The following SCPEP1 variants were observed in gnomAD, a reference collection of about 807,000 sequenced individuals.
SCPEP1 encodes the protein retinoid-inducible serine carboxypeptidase.
In SCPEP1, 51 loss-of-function variants were observed where a neutral mutation model predicts 63.8. That is an observed-to-expected ratio of 0.80 (90% CI 0.64 to 1.01). The LOEUF (loss-of-function observed/expected upper bound fraction) is 1.01, where lower values mean the gene tolerates loss of function less well. SCPEP1 is among the 50% of genes least tolerant of loss of function. The probability of loss-of-function intolerance (pLI) is 0.00; values close to 1 mark genes in which losing one functional copy is unlikely to be tolerated. For missense variants in SCPEP1, 499 were observed against 554.9 expected, an observed-to-expected ratio of 0.90 and a Z score of 1.01; for synonymous variants, 204 against 207.8, an observed-to-expected ratio of 0.98 and a Z score of 0.16.
chr17:56,982,051 G>A lies in SCPEP1; in HGVS notation c.225+821G>A, dbSNP rs368047634. ...ATTTTAACCTTGAGCTCTGATTGTA[G>A]GATGGAAGGCAGGGAGCTGGTTGAA... On this transcript the variant is annotated intron_variant, in intron 2 of 12. Coordinates refer to ENST00000262288, the MANE Select transcript of SCPEP1 (RefSeq NM_021626.3). Among the ~76,000 whole-genome samples, 39 of 152,320 alleles carry A rather than the reference G, an allele frequency of 2.6e-4. 1 individual carries two copies. The highest frequency in any genetic ancestry group is 7.2e-4 in the African/African-American group (30 of 41,584).
At position 56,981,245 on chromosome 17, in the gene SCPEP1, C is replaced by T; in HGVS notation, c.225+15C>T. On this transcript the variant is annotated intron_variant, in intron 2 of 12. Transcript: ENST00000262288. ...TGTGGCTTCAGGTAAAGTAGCTTCCCAGCCTGGCCTGAGGTCAAAGCCAAG... is the reference window on the plus strand; with the variant it reads ...TGTGGCTTCAGGTAAAGTAGCTTCCTAGCCTGGCCTGAGGTCAAAGCCAAG... 6.2e-7 allele frequency: 1 copy of T among 1,613,920 alleles called. No homozygotes were observed. The highest frequency in any genetic ancestry group is 1.1e-5 in the South Asian group (1 of 91,058).
chr17:57,002,227 G>A (rs764781927), intron 12 of SCPEP1, 46 bp downstream of exon 12: 53 of 1,588,580 alleles, frequency 3.3e-5, no homozygotes, highest in African/African-American at 2.3e-4. Context: ...TCCTGAGAGG[G>A]AAGCCACAGG....
At chr17:56,979,797 A>G (rs748678262) in intron 1 of SCPEP1, among the ~76,000 whole-genome samples, 1 of 152,124 alleles carries the variant, frequency 6.6e-6, no homozygotes, top group Admixed American at 6.5e-5. Flanking sequence ...ATTTTGTTGT[A>G]TAGAAATATA....
chr17:57,006,210 T>A lies in SCPEP1; in HGVS notation c.1334T>A (p.Met445Lys). 6.2e-7 allele frequency: 1 copy of A among 1,611,384 alleles called. No homozygotes were observed. The highest frequency in any genetic ancestry group is 8.5e-7 in the Non-Finnish European group (1 of 1,178,864). The change falls in exon 13 of 13, where the codon ATG (methionine) becomes AAG (lysine). Residue 445 changes from methionine to lysine, a missense_variant. Met to Lys is a moderately conservative substitution (Grantham distance 95). Coordinates refer to ENST00000262288, the MANE Select transcript of SCPEP1 (RefSeq NM_021626.3). Reference protein sequence around the residue: ...SDQGDMALKMMRLVTQQE With the variant: ...SDQGDMALKMKRLVTQQE Reference sequence around the variant, plus strand: ...CAAGGGGACATGGCTCTGAAGATGATGAGACTGGTGACTCAGCAAGAATAG... The same window carrying A: ...CAAGGGGACATGGCTCTGAAGATGAAGAGACTGGTGACTCAGCAAGAATAG...
intron 2 of SCPEP1, chr17:56,985,116 A>G: frequency 2.0e-6 from 1 of 510,456 alleles, no homozygotes; most frequent in East Asian, 3.3e-5. Flanking sequence ...AAAGAAAAGA[A>G]AAGAAAAGAA....
chr17:56,985,523 G>A, intron 3 of SCPEP1, 56 bp downstream of exon 3: 2 of 1,333,906 alleles, frequency 1.5e-6, no homozygotes, highest in Non-Finnish European at 1.1e-6. Context: ...CAGAGGCCCT[G>A]CCCAACTCTG....
At chr17:56,995,155 G>C in intron 7 of SCPEP1, 137 bp downstream of exon 7, 1 of 707,930 alleles carries the variant, frequency 1.4e-6, no homozygotes, top group South Asian at 1.9e-5. Flanking sequence ...CATCCACATA[G>C]AGTTGGAGAC....
intron 12 of SCPEP1, among the ~76,000 whole-genome samples, chr17:57,003,112 GC>G (rs1414441003): frequency 6.6e-6 from 1 of 152,058 alleles, no homozygotes; most frequent in African/African-American, 2.4e-5. Flanking sequence ...GGAAGATTGT[GC>G]CCCACGTGAT....
intron 2 of SCPEP1, among the ~76,000 whole-genome samples, 181 bp downstream of exon 2, chr17:56,981,411 C>T (rs540308662): frequency 1.1e-3 from 172 of 152,322 alleles, no homozygotes; most frequent in Admixed American, 2.4e-3. Context: ...GAGGCTAAAT[C>T]AGAGGGCGAG....
At chr17:56,998,258 C>G in intron 9 of SCPEP1, 127 bp from the exon 10 acceptor site, 2 of 607,082 alleles carry the variant, frequency 3.3e-6, no homozygotes, top group South Asian at 3.8e-5. Flanking sequence ...TTTCAGTGAG[C>G]CGAGATCGTG....
chr17:56,979,990 AG>A (rs1457132040), intron 1 of SCPEP1, among the ~76,000 whole-genome samples: 8 of 152,184 alleles, frequency 5.3e-5, no homozygotes, highest in Non-Finnish European at 1.0e-4. Flanking sequence ...TAGTGTTGAG[AG>A]GACCTAAATT....
In SCPEP1 at chr17:56,985,373, C is replaced by T; in HGVS notation, c.226-5C>T. On this transcript the variant is annotated splice_polypyrimidine_tract_variant and splice_region_variant and intron_variant, in intron 2 of 12. Transcript: ENST00000262288. ...ATTTTTGTTTGTTTCTTCTCTCTTC[C>T]ATAGGGCGGTCCAGGCGGTTCTAGC... 6.2e-7 allele frequency: 1 copy of T among 1,613,254 alleles called. No homozygotes were observed. Among genetic ancestry groups the T allele is most frequent in the Non-Finnish European group, 8.5e-7 (1 of 1,179,238 alleles).
intron 10 of SCPEP1, 55 bp downstream of exon 10, chr17:56,998,553 T>G: frequency 7.3e-7 from 1 of 1,368,876 alleles, no homozygotes. Context: ...AGAAAAGAGG[T>G]GCAAATTCAG....
At chr17:56,987,932 C>A in intron 4 of SCPEP1, 82 bp downstream of exon 4, 1 of 1,465,520 alleles carries the variant, frequency 6.8e-7, no homozygotes, top group East Asian at 2.3e-5. Flanking sequence ...GAACTGCCTC[C>A]AGAGTTTAAT....
At chr17:57,000,688 C>T (rs1264959334) in intron 10 of SCPEP1, among the ~76,000 whole-genome samples, 167 bp from the exon 11 acceptor site, 2 of 152,210 alleles carry the variant, frequency 1.3e-5, no homozygotes, top group African/African-American at 4.8e-5. Context: ...GTGTGCCTTA[C>T]ACCTGACCAG....
intron 6 of SCPEP1, 100 bp from the exon 7 acceptor site, chr17:56,994,881 T>C (rs1911500209): frequency 5.4e-6 from 6 of 1,106,958 alleles, no homozygotes; most frequent in East Asian, 2.4e-5. Context: ...CCGGGTTTCT[T>C]GCTTCTGTCT....
Position 56,995,425 on chromosome 17 carries a change from TCCTACCC to T in SCPEP1, c.658-80_658-74del, listed in dbSNP as rs928668274. ...CCGTTCTCCTTCCTTCCCCTCTTTCTCCTACCCCTCCCTAACTGCAGCAATACCAGAT... is the reference window on the plus strand; with the variant it reads ...CCGTTCTCCTTCCTTCCCCTCTTTCTCTCCCTAACTGCAGCAATACCAGAT... On this transcript the variant is annotated intron_variant, in intron 7 of 12. Coordinates refer to ENST00000262288, the MANE Select transcript of SCPEP1 (RefSeq NM_021626.3). The T allele has an allele frequency of 1.1e-4, 167 of 1,471,678 alleles. 1 individual carries two copies. The highest frequency in any genetic ancestry group is 1.5e-4 in the Non-Finnish European group (159 of 1,078,706). The allele number at this position is 1,471,678 out of a possible 1,614,324, so 91.2% of individuals were successfully genotyped here.
chr17:56,985,339 C>T (rs748063167), intron 2 of SCPEP1, 39 bp from the exon 3 acceptor site: 1 of 1,507,020 alleles, frequency 6.6e-7, no homozygotes, highest in Non-Finnish European at 9.2e-7. Context: ...AGACTAAGAT[C>T]TGACTAAAAT....
At chr17:57,001,917 G>C in intron 11 of SCPEP1, 101 bp from the exon 12 acceptor site, 1 of 1,181,772 alleles carries the variant, frequency 8.5e-7, no homozygotes, top group African/African-American at 1.5e-5. Context: ...TGAGTTTCAT[G>C]CATATTGCAG....
Sources: gnomAD v4.1 joint callset for allele counts (sites outside exome capture counted in the v4.1 genomes callset) on GRCh38, gnomAD v4.1.1 for gene constraint, MANE v1.5 for transcripts, NCBI Gene and HGNC (gene_info 2026-07-23, HGNC 2026-07-21) for gene names.